Variants in MIPOL1 observed in about 807,000 individuals in gnomAD.
MIPOL1 encodes the protein mirror-image polydactyly 1, also known as mirror-image polydactyly gene 1 protein.
A neutral mutation model predicts 60.9 loss-of-function variants in MIPOL1; 57 were observed. The ratio of observed to expected loss-of-function variants is 0.94; its 90% confidence interval spans 0.76 to 1.17. The LOEUF is 1.17. Among genes scored for constraint, MIPOL1 ranks in the 50% most tolerant of loss-of-function variants. The pLI, the probability that MIPOL1 is intolerant of heterozygous loss-of-function variation, is 0.00. For missense variants in MIPOL1, 551 were observed against 511.6 expected (o/e 1.08, Z -0.74); for synonymous variants, 179 against 168.8 (o/e 1.06, Z -0.47).
At chr14:37,416,341 G>C (rs1345903222) in intron 10 of MIPOL1, among the ~76,000 whole-genome samples, 1 of 152,014 alleles carries the variant, frequency 6.6e-6, no homozygotes, top group East Asian at 1.9e-4. Context: ...ACTTACAGTG[G>C]GGATACATTT....
At chr14:37,366,440 G>C (rs1448111179) in intron 9 of MIPOL1, among the ~76,000 whole-genome samples, 1 of 151,654 alleles carries the variant, frequency 6.6e-6, no homozygotes, top group African/African-American at 2.4e-5. Flanking sequence ...GTTTAATTTT[G>C]GTGTGTTTGT....
chr14:37,260,766 A>G (rs1399086936), intron 3 of MIPOL1, among the ~76,000 whole-genome samples: 1 of 152,122 alleles, frequency 6.6e-6, no homozygotes, highest in East Asian at 1.9e-4. Flanking sequence ...AGTATACGGT[A>G]TTCATGTAAA....
At chr14:37,329,642 A>G (rs1434631449) in intron 9 of MIPOL1, among the ~76,000 whole-genome samples, 2 of 152,144 alleles carry the variant, frequency 1.3e-5, no homozygotes, top group South Asian at 2.1e-4. Flanking sequence ...AATGGCAAAT[A>G]AAGTTTGCAA....
chr14:37,218,028 C>A (rs1264501055), intron 1 of MIPOL1, among the ~76,000 whole-genome samples: 1 of 151,838 alleles, frequency 6.6e-6, no homozygotes, highest in Non-Finnish European at 1.5e-5. Flanking sequence ...CAGAAGTTTC[C>A]CTTTTAGCTT....
At chr14:37,542,351 CT>C in intron 12 of MIPOL1, among the ~76,000 whole-genome samples, 2 of 152,008 alleles carry the variant, frequency 1.3e-5, no homozygotes, top group East Asian at 3.9e-4. Context: ...CTCTCTTCTC[CT>C]TTTTTATTTC....
chr14:37,360,830 C>T (rs1246245184), intron 9 of MIPOL1, among the ~76,000 whole-genome samples: 1 of 152,120 alleles, frequency 6.6e-6, no homozygotes, highest in African/African-American at 2.4e-5. Flanking sequence ...CAGTTCTGCT[C>T]TGATCTTAGT....
intron 11 of MIPOL1, among the ~76,000 whole-genome samples, chr14:37,494,694 G>A (rs975423498): frequency 1.7e-4 from 26 of 152,134 alleles, no homozygotes; most frequent in African/African-American, 6.3e-4. Flanking sequence ...AGTAAAAAAA[G>A]GAATATTAAT....
intron 10 of MIPOL1, among the ~76,000 whole-genome samples, chr14:37,386,214 A>G (rs922514003): frequency 6.6e-6 from 1 of 151,918 alleles, no homozygotes; most frequent in African/African-American, 2.4e-5. Context: ...TCAATTTGAG[A>G]TGTTCCTAGC....
intron 12 of MIPOL1, chr14:37,502,161 G>C (rs2095225250): frequency 2.0e-5 from 3 of 152,274 alleles, no homozygotes; most frequent in African/African-American, 7.2e-5. Flanking sequence ...CCATCTCTGA[G>C]GGCAGGACAT....
intron 1 of MIPOL1, among the ~76,000 whole-genome samples, chr14:37,213,455 C>T (rs1310131908): frequency 6.6e-6 from 1 of 152,022 alleles, no homozygotes; most frequent in Non-Finnish European, 1.5e-5. Context: ...CGTTTAATAG[C>T]AGAAGTTGTC....
At chr14:37,271,702 A>G (rs1594836181) in intron 6 of MIPOL1, among the ~76,000 whole-genome samples, 1 of 151,866 alleles carries the variant, frequency 6.6e-6, no homozygotes, top group African/African-American at 2.4e-5. Flanking sequence ...CAATTTGGCA[A>G]TTTCTTGGCT....
rs867192108 is a variant in MIPOL1 at position 37,250,313 on chromosome 14, G to A, written c.19+2406G>A. ...CTGTAATCCCAGCACTTTGAGAGGC[G>A]AAGGCAGGTGGGTCACTTGAGGTCA... On this transcript the variant is annotated intron_variant, in intron 3 of 12. Transcript: ENST00000684589. 5.9e-5 allele frequency among the ~76,000 whole-genome samples: 9 copies of A among 152,042 alleles called. No individual in the cohort carries two copies. In the South Asian group the frequency reaches 1.2e-3, roughly 21 times the overall value.
At chr14:37,263,594 A>T (rs987683980) in intron 3 of MIPOL1, among the ~76,000 whole-genome samples, 1 of 152,216 alleles carries the variant, frequency 6.6e-6, no homozygotes, top group African/African-American at 2.4e-5. Context: ...GAAGAGATTG[A>T]TAGTAATCAT....
intron 10 of MIPOL1, among the ~76,000 whole-genome samples, chr14:37,412,236 C>T (rs1002162219): frequency 1.3e-5 from 2 of 152,082 alleles, no homozygotes; most frequent in Non-Finnish European, 2.9e-5. Context: ...TAATACTATA[C>T]TTCAACAATA....
At chr14:37,428,519 C>T (rs2094005034) in intron 11 of MIPOL1, among the ~76,000 whole-genome samples, 1 of 152,090 alleles carries the variant, frequency 6.6e-6, no homozygotes, top group African/African-American at 2.4e-5. Flanking sequence ...GCCCAAGAGG[C>T]AGAGGTTGCC....
chr14:37,285,209 A>G, intron 6 of MIPOL1, 109 bp from the exon 7 acceptor site: 14 of 1,100,882 alleles, frequency 1.3e-5, no homozygotes, highest in Non-Finnish European at 1.8e-5. Context: ...AATTCAGTTT[A>G]TTGAGTAGTC....
chr14:37,293,999 G>A (rs999197963), intron 7 of MIPOL1, among the ~76,000 whole-genome samples: 29 of 152,202 alleles, frequency 1.9e-4, no homozygotes, highest in Admixed American at 1.6e-3. Context: ...CTGAGAACGG[G>A]CAGACTGCCT....
chr14:37,499,853 A>G (rs2095189407), intron 11 of MIPOL1, 55 bp from the exon 12 acceptor site: 2 of 896,378 alleles, frequency 2.2e-6, no homozygotes, highest in Admixed American at 2.7e-5. Context: ...TAAATAGATC[A>G]TAGATCACTC....
intron 3 of MIPOL1, among the ~76,000 whole-genome samples, chr14:37,248,768 A>C (rs1442946790): frequency 6.6e-6 from 1 of 152,142 alleles, no homozygotes; most frequent in Non-Finnish European, 1.5e-5. Context: ...GTATATATGC[A>C]GACAGAGGAG....
Sources: allele counts gnomAD v4.1 joint callset (sites outside exome capture counted in the v4.1 genomes callset), GRCh38; gene constraint gnomAD v4.1.1; transcripts MANE v1.5; gene names NCBI Gene and HGNC (gene_info 2026-07-23, HGNC 2026-07-21).